CRYBG1: variants seen among roughly 807,000 people sequenced by gnomAD.
CRYBG1 encodes the protein crystallin beta-gamma domain containing 1, also known as beta/gamma crystallin domain-containing protein 1.
CRYBG1 carries 139 observed loss-of-function variants against 189.2 expected under a neutral mutation model. The ratio of observed to expected loss-of-function variants is 0.73; its 90% CI spans 0.64 to 0.85. The LOEUF is 0.85. Among genes scored for constraint, CRYBG1 ranks in the 40% least tolerant of loss-of-function variants. The pLI is 0.00. For missense variants in CRYBG1, 2,611 were observed against 2,675.8 expected, an observed-to-expected ratio of 0.98 and a Z score of 0.53; for synonymous variants, 1,023 against 1,017.1, an observed-to-expected ratio of 1.01 and a Z score of -0.11.
intron 1 of CRYBG1, among the ~76,000 whole-genome samples, chr6:106,408,043 TAGAGAC>T (rs984423155): frequency 2.0e-5 from 3 of 150,086 alleles, no homozygotes; most frequent in African/African-American, 7.3e-5. Context: ...CTGAAGGAGA[TAGAGAC>T]AGGAAAAACC....
intron 3 of CRYBG1, among the ~76,000 whole-genome samples, chr6:106,516,242 T>C (rs936528526): frequency 6.7e-6 from 1 of 148,940 alleles, no homozygotes; most frequent in Non-Finnish European, 1.5e-5. Flanking sequence ...CAAGCTTCTT[T>C]TTTTTTTTTT....
intron 1 of CRYBG1, among the ~76,000 whole-genome samples, chr6:106,407,684 A>G (rs1390698966): frequency 6.6e-6 from 1 of 152,182 alleles, no homozygotes; most frequent in Non-Finnish European, 1.5e-5. Flanking sequence ...AGTCTCTCAG[A>G]CCACAGTGCA....
intron 1 of CRYBG1, among the ~76,000 whole-genome samples, chr6:106,365,696 A>G (rs113628696): frequency 0.028 from 3,293 of 117,986 alleles, 252 homozygotes; most frequent in South Asian, 0.075. Context: ...TTTTAAAAAA[A>G]GCAGTGAATT....
chr6:106,521,403 C>T lies in CRYBG1; in HGVS notation c.4195C>T (p.Arg1399Trp), dbSNP rs944543786. The T allele has an allele frequency of 9.3e-6, 15 of 1,605,732 alleles. No homozygotes were observed. Among genetic ancestry groups the T allele is most frequent in the African/African-American group, 6.7e-5 (5 of 74,132 alleles). Residue 1399 changes from arginine (R) to tryptophan (W), a missense_variant, in exon 4 of 22, where the codon CGG (arginine) becomes TGG (tryptophan). Physicochemically the swap from Arg to Trp is moderately radical, Grantham distance 101. Coordinates refer to ENST00000633556, the MANE Select transcript of CRYBG1 (RefSeq NM_001371242.2). ...TDFMGLFKSSRYDPSISFSGM... is the reference protein window; with the variant it reads ...TDFMGLFKSSWYDPSISFSGM... ...CTTCATGGGTCTTTTCAAATCAAGC[C>T]GGTATGACCCAAGCATTTCTTTTTC...
rs553692666 is a variant in CRYBG1, at chr6:106,447,660, T to C, written c.174-4034T>C. On this transcript the variant is annotated intron_variant, in intron 1 of 21. Coordinates refer to ENST00000633556, the MANE Select transcript of CRYBG1 (RefSeq NM_001371242.2). ...AAGTTAACAAACTTTCCAATTGGTC[T>C]TTCCTGTTGCAAACATTTATTAAGG... 2.6e-5 allele frequency among the ~76,000 whole-genome samples: 4 copies of C among 152,066 alleles called. 1 individual carries two copies. The South Asian group carries it at 8.3e-4, about 32-fold the overall frequency.
At chr6:106,393,865 G>T (rs865949307) in intron 1 of CRYBG1, among the ~76,000 whole-genome samples, 1 of 152,104 alleles carries the variant, frequency 6.6e-6, no homozygotes, top group Non-Finnish European at 1.5e-5. Flanking sequence ...TACAGATGGG[G>T]TTTTGCCATG....
intron 1 of CRYBG1, among the ~76,000 whole-genome samples, chr6:106,379,126 G>T (rs1293177070): frequency 6.6e-6 from 1 of 152,166 alleles, no homozygotes; most frequent in East Asian, 1.9e-4. Context: ...TTCAGCCTGG[G>T]CGATAGAGCC....
At chr6:106,391,029 A>G (rs12526891) in intron 1 of CRYBG1, among the ~76,000 whole-genome samples, 19,892 of 152,062 alleles carry the variant, frequency 0.13, 1,574 homozygotes, top group Admixed American at 0.22. Context: ...ATCAGTGTAC[A>G]CTCCTACCAA....
intron 17 of CRYBG1, 72 bp downstream of exon 17, chr6:106,555,969 C>A (rs1774534430): frequency 1.3e-6 from 2 of 1,561,892 alleles, no homozygotes; most frequent in Non-Finnish European, 1.8e-6. Context: ...GTGAGGTAAC[C>A]AGCCGGTAGA....
intron 18 of CRYBG1, among the ~76,000 whole-genome samples, chr6:106,560,072 C>T (rs548805298): frequency 1.0e-3 from 155 of 152,086 alleles, no homozygotes; most frequent in African/African-American, 3.5e-3. Flanking sequence ...TCAGCCTGGG[C>T]AACAGAGTGA....
In CRYBG1 at chr6:106,415,309, C is replaced by T. The variant is rs370749730; in HGVS notation, c.174-36385C>T. Among the ~76,000 whole-genome samples, 6 of 152,292 alleles carry T rather than the reference C, an allele frequency of 3.9e-5. No homozygotes were observed. In the East Asian group the frequency reaches 1.2e-3, roughly 29 times the overall value. On this transcript the variant is annotated intron_variant, in intron 1 of 21. Transcript: ENST00000633556. Reference sequence around the variant, plus strand: ...ATTATGTAATTCTGTGTAAAAAGTGCCTTTAATAAGTCTGTTTATATAAAA... The same window carrying T: ...ATTATGTAATTCTGTGTAAAAAGTGTCTTTAATAAGTCTGTTTATATAAAA...
rs752662490 is a variant in CRYBG1, at chr6:106,552,168, C to A, written c.5440-16C>A. The A allele has an allele frequency of 3.2e-6, 5 of 1,583,574 alleles. No homozygotes were observed. The highest frequency in any genetic ancestry group is 4.3e-6 in the Non-Finnish European group (5 of 1,162,454). Reference sequence around the variant, plus strand: ...TTCTATTCATTTCCTTTTCTCCTTCCTTTAAAAATTTTTAGGATTCTTTCA... The same window carrying A: ...TTCTATTCATTTCCTTTTCTCCTTCATTTAAAAATTTTTAGGATTCTTTCA... On this transcript the variant is annotated splice_polypyrimidine_tract_variant and intron_variant, in intron 14 of 21. Transcript: ENST00000633556.
At chr6:106,461,075 G>A (rs1483059675) in intron 2 of CRYBG1, among the ~76,000 whole-genome samples, 4 of 117,992 alleles carry the variant, frequency 3.4e-5, no homozygotes, top group Non-Finnish European at 3.5e-5. Context: ...GTGAGCCACC[G>A]TGCCCGACCT....
chr6:106,557,368 A>G (rs983374500), intron 17 of CRYBG1, among the ~76,000 whole-genome samples: 2 of 151,760 alleles, frequency 1.3e-5, no homozygotes, highest in African/African-American at 4.8e-5. Flanking sequence ...CACAAACTTT[A>G]AGCAGGATAG....
chr6:106,562,493 C>CTTT (rs1554192695), intron 20 of CRYBG1, among the ~76,000 whole-genome samples: 7 of 151,706 alleles, frequency 4.6e-5, no homozygotes, highest in African/African-American at 1.7e-4. Flanking sequence ...GAATAATATA[C>CTTT]TTTAATTTTT....
intron 1 of CRYBG1, among the ~76,000 whole-genome samples, chr6:106,412,714 A>G (rs1182457630): frequency 6.6e-6 from 1 of 152,210 alleles, no homozygotes; most frequent in Non-Finnish European, 1.5e-5. Context: ...GGGAAACATT[A>G]AAACAAAGAA....
chr6:106,481,067 G>A (rs553985089), intron 2 of CRYBG1, among the ~76,000 whole-genome samples: 1 of 78,540 alleles, frequency 1.3e-5, no homozygotes, highest in African/African-American at 5.8e-5. Context: ...TCCGCCTCCC[G>A]GGTTCACGCC....
chr6:106,536,922 A>G (rs1468136078), intron 8 of CRYBG1, among the ~76,000 whole-genome samples: 2 of 152,218 alleles, frequency 1.3e-5, no homozygotes, highest in African/African-American at 4.8e-5. Flanking sequence ...ATTTAGAAAA[A>G]GTGAATCATA....
Position 106,360,726 on chromosome 6 carries a change from C to T in CRYBG1, c.-183C>T, listed in dbSNP as rs991174774. On this transcript the variant is annotated 5_prime_UTR_variant, in exon 1 of 22. Transcript: ENST00000633556. Reference sequence around the variant, plus strand: ...CAACAGCTCGGGCTGCAGTGCTGCTCGCGCTGCGCTGGGTGCTGGTTCTGC... The same window carrying T: ...CAACAGCTCGGGCTGCAGTGCTGCTTGCGCTGCGCTGGGTGCTGGTTCTGC... 2.6e-5 allele frequency: 16 copies of T among 620,162 alleles called. No homozygotes were observed. The highest frequency in any genetic ancestry group is 2.0e-4 in the South Asian group (8 of 40,228). The allele number at this position is 620,162 out of a possible 1,614,324, so 38.4% of individuals were successfully genotyped here.
Sources: allele counts gnomAD v4.1 joint callset (sites outside exome capture counted in the v4.1 genomes callset), GRCh38; gene constraint gnomAD v4.1.1; transcripts MANE v1.5; gene names NCBI Gene and HGNC (gene_info 2026-07-23, HGNC 2026-07-21).